Variants in ST6GAL1 observed in about 807,000 individuals in gnomAD.
The protein encoded by ST6GAL1 is ST6 beta-galactoside alpha-2,6-sialyltransferase 1.
Under a neutral mutation model 38.0 loss-of-function variants are expected in ST6GAL1, and 20 were observed. That is an observed-to-expected ratio of 0.53 (90% CI 0.37 to 0.77). The LOEUF (loss-of-function observed/expected upper bound fraction) is 0.77. Ranked by LOEUF, ST6GAL1 falls within the 30% of genes least tolerant of loss-of-function variation. The probability of loss-of-function intolerance (pLI) is 0.00; values close to 1 mark genes in which losing one functional copy is unlikely to be tolerated. For synonymous variants in ST6GAL1, 196 were observed against 188.2 expected (o/e 1.04, Z -0.34); for missense variants, 432 against 496.4 (o/e 0.87, Z 1.23).
chr3:186,955,987 C>T (rs1455042946), intron 1 of ST6GAL1, among the ~76,000 whole-genome samples: 1 of 152,058 alleles, frequency 6.6e-6, no homozygotes, highest in Non-Finnish European at 1.5e-5. Flanking sequence ...ATTTTTGAGG[C>T]GCAGAGAGGT....
intron 2 of ST6GAL1, among the ~76,000 whole-genome samples, chr3:186,969,051 CTTTTTTTTT>C (rs34520153): frequency 1.1e-5 from 1 of 89,254 alleles, no homozygotes; most frequent in African/African-American, 4.1e-5. Flanking sequence ...TTCTCTTTTT[CTTTTTTTTT>C]TTTTTTTTTG....
intron 2 of ST6GAL1, among the ~76,000 whole-genome samples, chr3:187,009,291 G>A (rs1055351688): frequency 6.6e-6 from 1 of 151,740 alleles, no homozygotes; most frequent in Non-Finnish European, 1.5e-5. Flanking sequence ...TTTTTTAAAG[G>A]TACATAATTA....
At chr3:186,947,459 G>A (rs17774519) in intron 1 of ST6GAL1, among the ~76,000 whole-genome samples, 11,974 of 152,148 alleles carry the variant, frequency 0.079, 661 homozygotes, top group Non-Finnish European at 0.11. Context: ...CACAGAGACC[G>A]GAATCAGCCA....
intron 2 of ST6GAL1, among the ~76,000 whole-genome samples, chr3:186,990,372 C>A (rs1716118677): frequency 6.6e-6 from 1 of 152,200 alleles, no homozygotes; most frequent in Non-Finnish European, 1.5e-5. Flanking sequence ...GCAGGTGACT[C>A]ATTTCCACCT....
intron 2 of ST6GAL1, among the ~76,000 whole-genome samples, chr3:187,017,500 G>T (rs902846090): frequency 1.3e-5 from 2 of 152,186 alleles, no homozygotes; most frequent in Non-Finnish European, 2.9e-5. Flanking sequence ...GCAGGGGAGG[G>T]TTACACCAAG....
At chr3:187,007,561 A>C (rs951371461) in intron 2 of ST6GAL1, among the ~76,000 whole-genome samples, 1 of 152,216 alleles carries the variant, frequency 6.6e-6, no homozygotes, top group Admixed American at 6.5e-5. Flanking sequence ...CTGGTAAAAC[A>C]AACAAACAAA....
intron 2 of ST6GAL1, among the ~76,000 whole-genome samples, chr3:186,989,671 TA>T (rs1716085069): frequency 6.6e-6 from 1 of 152,234 alleles, no homozygotes; most frequent in African/African-American, 2.4e-5. Flanking sequence ...AGCTAATGAT[TA>T]AAAGCTTTGT....
chr3:186,932,650 G>C (rs557372164), intron 1 of ST6GAL1, among the ~76,000 whole-genome samples: 58 of 152,326 alleles, frequency 3.8e-4, no homozygotes, highest in African/African-American at 1.2e-3. Flanking sequence ...TTGGGCAAAA[G>C]CATGGGCTGT....
Position 187,013,167 on chromosome 3 carries a change from C to T in ST6GAL1, c.-182-25575C>T, listed in dbSNP as rs148747392. On this transcript the variant is annotated intron_variant, in intron 2 of 7. Coordinates refer to ENST00000169298, the MANE Select transcript of ST6GAL1 (RefSeq NM_173216.2). ...TTCTTTTTCCTCTTTAAAATGGGAGCTGACTTAATCTGTAAGCCTTATTTC... is the reference window on the plus strand; with the variant it reads ...TTCTTTTTCCTCTTTAAAATGGGAGTTGACTTAATCTGTAAGCCTTATTTC... Among the ~76,000 whole-genome samples the T allele has an allele frequency of 4.0e-3, 609 of 152,304 alleles. 1 individual carries two copies. Among genetic ancestry groups the T allele is most frequent in the Non-Finnish European group, 5.7e-3 (391 of 68,024 alleles).
At chr3:187,038,094 G>A (rs6444196) in intron 2 of ST6GAL1, among the ~76,000 whole-genome samples, 74,177 of 151,180 alleles carry the variant, frequency 0.49, 20,257 homozygotes, top group African/African-American at 0.74. Context: ...ATTACTCCCT[G>A]TTTACCTCCA....
chr3:186,980,778 AAAAAAG>A (rs1715672717), intron 2 of ST6GAL1, among the ~76,000 whole-genome samples: 1 of 151,708 alleles, frequency 6.6e-6, no homozygotes, highest in African/African-American at 2.4e-5. Context: ...AAAAAAAAAA[AAAAAAG>A]ATAGAAGTCA....
At chr3:186,975,825 G>A (rs1179357677) in intron 2 of ST6GAL1, among the ~76,000 whole-genome samples, 5 of 152,224 alleles carry the variant, frequency 3.3e-5, no homozygotes, top group African/African-American at 1.2e-4. Context: ...AGGTCTGGGG[G>A]ACTCACGATT....
intron 5 of ST6GAL1, among the ~76,000 whole-genome samples, chr3:187,056,094 T>G (rs2108590701): frequency 6.6e-6 from 1 of 152,296 alleles, no homozygotes; most frequent in African/African-American, 2.4e-5. Flanking sequence ...CTTTGTTGGT[T>G]TAAAGTCTGT....
chr3:186,930,527 CTCT>C lies in ST6GAL1; in HGVS notation c.-626_-624del, dbSNP rs1247651408. 6.5e-6 allele frequency: 1 copy of C among 152,916 alleles called. No individual in the cohort carries two copies. The highest frequency in any genetic ancestry group is 1.5e-5 in the Non-Finnish European group (1 of 68,604). 9.5% of individuals were successfully genotyped at this position (152,916 alleles called of 1,614,324 possible). ...GCTTCCTTCCCGCCCCTCCGCCGCG[CTCT>C]TCTTCCTTCCTTCTCCAGTCCCTTC... is the stretch of plus-strand genomic sequence containing the variant. On this transcript the variant is annotated 5_prime_UTR_variant, in exon 1 of 8. Transcript: ENST00000169298.
At chr3:186,974,655 T>A (rs567347851) in intron 2 of ST6GAL1, among the ~76,000 whole-genome samples, 2 of 151,542 alleles carry the variant, frequency 1.3e-5, no homozygotes, top group East Asian at 3.9e-4. Flanking sequence ...ATGGGATTAG[T>A]TCTGTGCTCC....
chr3:186,994,194 A>G (rs916348619), intron 2 of ST6GAL1, among the ~76,000 whole-genome samples: 59 of 152,226 alleles, frequency 3.9e-4, no homozygotes, highest in Non-Finnish European at 3.1e-4. Flanking sequence ...AGTAATTGAA[A>G]TAATGCCCAC....
At chr3:187,006,035 AG>A (rs1173526652) in intron 2 of ST6GAL1, 1 of 152,310 alleles carries the variant, frequency 6.6e-6, no homozygotes, top group East Asian at 1.9e-4. Context: ...CTGCAATGTG[AG>A]GGCTGTTGGG....
intron 1 of ST6GAL1, among the ~76,000 whole-genome samples, chr3:186,956,070 G>A (rs984859387): frequency 2.0e-5 from 3 of 152,030 alleles, no homozygotes; most frequent in African/African-American, 7.2e-5. Flanking sequence ...TGACTGTGTC[G>A]TTAGATCGTC....
chr3:187,068,654 A>T (rs1290517735), intron 5 of ST6GAL1, among the ~76,000 whole-genome samples: 2 of 152,202 alleles, frequency 1.3e-5, no homozygotes, highest in African/African-American at 2.4e-5. Flanking sequence ...CAGCTGGGAA[A>T]GTCTCAGGGA....
Sources: gnomAD v4.1 joint callset for allele counts (sites outside exome capture counted in the v4.1 genomes callset) on GRCh38, gnomAD v4.1.1 for gene constraint, MANE v1.5 for transcripts, NCBI Gene and HGNC (gene_info 2026-07-23, HGNC 2026-07-21) for gene names.